ATP2B2: variants seen among roughly 807,000 people sequenced by gnomAD.
ATP2B2 encodes plasma membrane calcium-transporting ATPase 2.
In ATP2B2, 15 loss-of-function variants were observed where a neutral mutation model predicts 120.0. The ratio of observed to expected loss-of-function variants is 0.12; its 90% CI spans 0.08 to 0.19. The LOEUF is 0.19. ATP2B2 is among the 10% of genes least tolerant of loss of function. The pLI, the probability that ATP2B2 is intolerant of heterozygous loss-of-function variation, is 1.00. For missense variants in ATP2B2, 1,045 were observed against 1,719.8 expected, an observed-to-expected ratio of 0.61 and a Z score of 6.94; for synonymous variants, 694 against 700.3, an observed-to-expected ratio of 0.99 and a Z score of 0.14.
At chr3:10,680,002 C>T (rs2071343738) in intron 1 of ATP2B2, among the ~76,000 whole-genome samples, 1 of 152,170 alleles carries the variant, frequency 6.6e-6, no homozygotes, top group African/African-American at 2.4e-5. Context: ...GGATCTTTGT[C>T]TGTTTTGGTC....
At chr3:10,646,205 AG>A (rs1341339036) in intron 1 of ATP2B2, among the ~76,000 whole-genome samples, 18 of 152,188 alleles carry the variant, frequency 1.2e-4, no homozygotes, top group Non-Finnish European at 2.5e-4. Flanking sequence ...AAAGACTCCT[AG>A]GTTTCTGCAA....
At chr3:10,487,297 G>C (rs1036907716) in intron 1 of ATP2B2, among the ~76,000 whole-genome samples, 5 of 151,886 alleles carry the variant, frequency 3.3e-5, no homozygotes, top group Non-Finnish European at 7.4e-5. Flanking sequence ...GACAAACACA[G>C]ATATACACCC....
At chr3:10,536,148 T>C (rs1370777187) in intron 2 of ATP2B2, among the ~76,000 whole-genome samples, 2 of 152,218 alleles carry the variant, frequency 1.3e-5, no homozygotes, top group African/African-American at 2.4e-5. Flanking sequence ...TCTTTTCACG[T>C]GCTTATTTGT....
At chr3:10,497,048 C>G (rs2066181250) in intron 1 of ATP2B2, among the ~76,000 whole-genome samples, 2 of 152,256 alleles carry the variant, frequency 1.3e-5, no homozygotes, top group Admixed American at 6.5e-5. Flanking sequence ...GGTTGGCAGG[C>G]TCTGCTGACC....
At position 10,627,918 on chromosome 3, in the gene ATP2B2, G is replaced by T. The variant is rs991714068; in HGVS notation, c.-459-7957C>A. 2.6e-5 allele frequency among the ~76,000 whole-genome samples: 4 copies of T among 152,088 alleles called. No individual in the cohort carries two copies. The South Asian group carries it at 8.3e-4, about 32-fold the overall frequency. ...GGGTGGAGGAGGGGCTACATCATGG[G>T]GCCCACTTTGTGTGATGATCCTGGG... On this transcript the variant is annotated intron_variant, in intron 1 of 21. Coordinates refer to the ATP2B2 transcript ENST00000646379.
intron 5 of ATP2B2, among the ~76,000 whole-genome samples, chr3:10,391,200 C>T (rs900565141): frequency 9.2e-5 from 14 of 152,184 alleles, no homozygotes; most frequent in Non-Finnish European, 1.5e-5. Flanking sequence ...CTGGAGGAAA[C>T]TGAGGCTCAG....
intron 2 of ATP2B2, among the ~76,000 whole-genome samples, chr3:10,597,288 C>T (rs369008959): frequency 6.8e-6 from 1 of 145,986 alleles, no homozygotes; most frequent in Non-Finnish European, 1.5e-5. Context: ...CACAGGTACA[C>T]ACACACAGGC....
chr3:10,684,239 A>T (rs2071462169), intron 1 of ATP2B2, among the ~76,000 whole-genome samples: 1 of 152,234 alleles, frequency 6.6e-6, no homozygotes, highest in South Asian at 2.1e-4. Flanking sequence ...GGATAAAGGA[A>T]GGAGAAGACT....
chr3:10,350,579 TG>T lies in ATP2B2; in HGVS notation c.2137-3del. On this transcript the variant is annotated splice_polypyrimidine_tract_variant and splice_region_variant and intron_variant, in intron 14 of 22. Coordinates refer to ENST00000360273, the MANE Select transcript of ATP2B2 (RefSeq NM_001001331.4). Reference sequence around the variant, plus strand: ...GCACTTGCGGATGGCTTCTGGGACCTGGGCAGGAGGGCAGGGGCCATGGGGG... The same window carrying T: ...GCACTTGCGGATGGCTTCTGGGACCTGGCAGGAGGGCAGGGGCCATGGGGG... 6.2e-7 allele frequency: 1 copy of T among 1,611,710 alleles called. No individual in the cohort carries two copies. Among genetic ancestry groups the T allele is most frequent in the Non-Finnish European group, 8.5e-7 (1 of 1,179,810 alleles).
upstream of ATP2B2, among the ~76,000 whole-genome samples, chr3:10,509,229 C>T (rs1025082674): frequency 3.3e-5 from 5 of 152,146 alleles, no homozygotes; most frequent in African/African-American, 9.7e-5. Flanking sequence ...CCAGCTGTGT[C>T]TTCGGTATGA....
intron 1 of ATP2B2, among the ~76,000 whole-genome samples, chr3:10,698,422 T>C (rs2071771148): frequency 6.6e-6 from 1 of 152,138 alleles, no homozygotes; most frequent in South Asian, 2.1e-4. Context: ...CCTTTGATTA[T>C]GTGAGGTAAG....
chr3:10,586,019 T>C (rs4298028), intron 2 of ATP2B2, among the ~76,000 whole-genome samples: 63,779 of 152,046 alleles, frequency 0.42, 13,883 homozygotes, highest in East Asian at 0.76. Flanking sequence ...ATACTGACTT[T>C]CTCCCTGCCT....
intron 3 of ATP2B2, among the ~76,000 whole-genome samples, chr3:10,514,924 C>T (rs1033556809): frequency 6.6e-6 from 1 of 152,242 alleles, no homozygotes; most frequent in African/African-American, 2.4e-5. Flanking sequence ...TTGGGCAAGA[C>T]AGCCGCAGTG....
chr3:10,474,895 G>C (rs573796740), intron 1 of ATP2B2, among the ~76,000 whole-genome samples: 175 of 152,348 alleles, frequency 1.1e-3, no homozygotes, highest in Non-Finnish European at 1.9e-3. Context: ...GTGGGGAGCG[G>C]GCTGACCTGT....
intron 1 of ATP2B2, among the ~76,000 whole-genome samples, chr3:10,467,306 AG>A (rs1468526787): frequency 4.6e-5 from 7 of 152,368 alleles, no homozygotes; most frequent in African/African-American, 1.4e-4. Flanking sequence ...GTTATGCCTT[AG>A]CACAGGCTAT....
chr3:10,565,966 C>T (rs2068001054), intron 2 of ATP2B2, among the ~76,000 whole-genome samples: 1 of 152,162 alleles, frequency 6.6e-6, no homozygotes, highest in Non-Finnish European at 1.5e-5. Flanking sequence ...ACCTATCTAC[C>T]TTCCCATCTG....
chr3:10,640,423 CAG>C (rs2070140576), intron 1 of ATP2B2, among the ~76,000 whole-genome samples: 1 of 152,198 alleles, frequency 6.6e-6, no homozygotes, highest in East Asian at 1.9e-4. Flanking sequence ...GCAAATACTG[CAG>C]AGGGGGCACT....
intron 1 of ATP2B2, among the ~76,000 whole-genome samples, chr3:10,470,373 G>C (rs541347315): frequency 3.9e-5 from 6 of 152,212 alleles, no homozygotes; most frequent in Admixed American, 3.9e-4. Context: ...CACCTAGCTG[G>C]TGAATGGCAG....
intron 3 of ATP2B2, among the ~76,000 whole-genome samples, chr3:10,516,977 T>C (rs1350480212): frequency 6.6e-6 from 1 of 152,154 alleles, no homozygotes; most frequent in East Asian, 1.9e-4. Context: ...TGTGTGTGTG[T>C]GTGTGTGTTT....
Sources: allele counts gnomAD v4.1 joint callset (sites outside exome capture counted in the v4.1 genomes callset), GRCh38; gene constraint gnomAD v4.1.1; transcripts MANE v1.5; gene names NCBI Gene and HGNC (gene_info 2026-07-23, HGNC 2026-07-21).